Variants in LGR5 observed in about 807,000 individuals in gnomAD.
The protein encoded by LGR5 is leucine rich repeat containing G protein-coupled receptor 5, also known as leucine-rich repeat-containing G protein-coupled receptor 5.
LGR5 carries 54 observed loss-of-function variants against 76.7 expected under a neutral mutation model. The ratio of observed to expected loss-of-function variants is 0.70; its 90% CI spans 0.57 to 0.88. LGR5 has a LOEUF of 0.88. Among genes scored for constraint, LGR5 ranks in the 40% least tolerant of loss-of-function variants. The pLI, the probability that LGR5 is intolerant of heterozygous loss-of-function variation, is 0.00. For synonymous variants in LGR5, 406 were observed against 421.9 expected, an observed-to-expected ratio of 0.96 and a Z score of 0.46; for missense variants, 1,078 against 1,073.3, an observed-to-expected ratio of 1.00 and a Z score of -0.06.
intron 4 of LGR5, among the ~76,000 whole-genome samples, chr12:71,545,927 A>C (rs1397697109): frequency 6.6e-6 from 1 of 152,236 alleles, no homozygotes; most frequent in African/African-American, 2.4e-5. Flanking sequence ...TGTAAAAGAG[A>C]AAATTTGCAT....
At chr12:71,473,681 A>G (rs1873197379) in intron 1 of LGR5, among the ~76,000 whole-genome samples, 1 of 151,768 alleles carries the variant, frequency 6.6e-6, no homozygotes, top group African/African-American at 2.4e-5. Flanking sequence ...AAAGAGGGAT[A>G]AATTTGCAGT....
intron 1 of LGR5, among the ~76,000 whole-genome samples, chr12:71,474,312 A>G (rs1873231718): frequency 1.3e-5 from 2 of 152,236 alleles, no homozygotes; most frequent in African/African-American, 4.8e-5. Context: ...GTTTTCACTC[A>G]TTAGTTTCAA....
intron 4 of LGR5, among the ~76,000 whole-genome samples, chr12:71,550,295 C>A (rs1413625927): frequency 7.0e-6 from 1 of 143,202 alleles, no homozygotes; most frequent in Admixed American, 7.0e-5. Context: ...GGATTACAGG[C>A]ATGCACCACC....
chr12:71,572,717 C>A, intron 12 of LGR5, 133 bp from the exon 13 acceptor site: 1 of 620,738 alleles, frequency 1.6e-6, no homozygotes, highest in Non-Finnish European at 2.9e-6. Flanking sequence ...AAACAAAAAT[C>A]AGTCACTTGA....
At chr12:71,451,830 A>C (rs186053848) in intron 1 of LGR5, among the ~76,000 whole-genome samples, 1 of 152,084 alleles carries the variant, frequency 6.6e-6, no homozygotes, top group East Asian at 1.9e-4. Flanking sequence ...AGGGCTAGGG[A>C]ATTCCTGGAG....
chr12:71,481,533 T>C (rs755346018), intron 1 of LGR5, among the ~76,000 whole-genome samples: 3 of 152,214 alleles, frequency 2.0e-5, no homozygotes, highest in Admixed American at 6.5e-5. Context: ...TCTTTGTTAT[T>C]GTGAATAGTG....
At chr12:71,549,627 G>A (rs1383411434) in intron 4 of LGR5, among the ~76,000 whole-genome samples, 1 of 152,116 alleles carries the variant, frequency 6.6e-6, no homozygotes, top group East Asian at 1.9e-4. Flanking sequence ...ATCAGATAAT[G>A]CCTTTGAGTG....
chr12:71,504,829 G>A (rs1003663292), intron 2 of LGR5, 144 bp downstream of exon 2: 1 of 732,322 alleles, frequency 1.4e-6, no homozygotes, highest in Admixed American at 2.0e-5. Flanking sequence ...GAAACACTTA[G>A]TTGGGAGGGG....
At chr12:71,581,835 C>G (rs1393951301) in intron 16 of LGR5, among the ~76,000 whole-genome samples, 1 of 152,168 alleles carries the variant, frequency 6.6e-6, no homozygotes, top group African/African-American at 2.4e-5. Flanking sequence ...CAACCCTGGA[C>G]CACATATTAC....
intron 6 of LGR5, among the ~76,000 whole-genome samples, chr12:71,559,123 CA>C (rs1877926022): frequency 6.6e-6 from 1 of 152,080 alleles, no homozygotes; most frequent in African/African-American, 2.4e-5. Context: ...AAGTCAAGGA[CA>C]AAGCAGCCCT....
intron 12 of LGR5, among the ~76,000 whole-genome samples, chr12:71,572,122 C>A (rs1485480760): frequency 1.4e-5 from 2 of 147,984 alleles, no homozygotes; most frequent in Admixed American, 1.4e-4. Context: ...CTCGCTCTGT[C>A]GCCCAGGCCG....
intron 1 of LGR5, among the ~76,000 whole-genome samples, chr12:71,483,137 A>G (rs1873682773): frequency 6.6e-6 from 1 of 152,184 alleles, no homozygotes; most frequent in Non-Finnish European, 1.5e-5. Flanking sequence ...ATCCTTAAAG[A>G]AAAAAATTAA....
In LGR5 at chr12:71,440,131, G is replaced by T. The variant is rs749598507; in HGVS notation, c.51G>T (p.Gln17His). 3.4e-5 allele frequency: 54 copies of T among 1,608,854 alleles called. No homozygotes were observed. Among genetic ancestry groups the T allele is most frequent in the Non-Finnish European group, 4.5e-5 (53 of 1,179,850 alleles). ...TCCTGTCCTTGCCTGTGCTGCTGCA[G>T]CTGGCGACCGGGGGCAGCTCTCCCA... ...GVLLSLPVLL[Q>H]LATGGSSPRS... Residue 17 changes from glutamine to histidine, a missense_variant, in exon 1 of 18, where the codon CAG becomes CAT. Gln to His is a conservative substitution (Grantham distance 24). Transcript: ENST00000266674. This position sits in a 1 kb window ranked among gnomAD's most constrained non-coding sequence, Gnocchi z 5.3.
At chr12:71,459,055 C>T (rs976589842) in intron 1 of LGR5, among the ~76,000 whole-genome samples, 1 of 151,960 alleles carries the variant, frequency 6.6e-6, no homozygotes, top group Non-Finnish European at 1.5e-5. Flanking sequence ...GAATTCTCCT[C>T]TGTGCTTTCT....
chr12:71,560,078 A>G (rs1018566431), intron 7 of LGR5, among the ~76,000 whole-genome samples: 1 of 152,316 alleles, frequency 6.6e-6, no homozygotes, highest in African/African-American at 2.4e-5. Context: ...GTGCCTAGTA[A>G]AGTATGAGAT....
chr12:71,454,222 A>C (rs1402727459), intron 1 of LGR5, among the ~76,000 whole-genome samples: 5 of 152,076 alleles, frequency 3.3e-5, no homozygotes, highest in Admixed American at 6.6e-5. Context: ...AACAAGGGAA[A>C]TCTCCTTATA....
chr12:71,484,238 G>A (rs1474137475), intron 1 of LGR5, among the ~76,000 whole-genome samples: 1 of 152,102 alleles, frequency 6.6e-6, no homozygotes, highest in Admixed American at 6.5e-5. Flanking sequence ...GGTATTCCTG[G>A]ATGCTTAAGC....
At chr12:71,498,228 G>T (rs1436804514) in intron 1 of LGR5, among the ~76,000 whole-genome samples, 1 of 152,180 alleles carries the variant, frequency 6.6e-6, no homozygotes, top group Non-Finnish European at 1.5e-5. Context: ...TGTGAAAGGT[G>T]AGCAAAACAC....
intron 5 of LGR5, among the ~76,000 whole-genome samples, 169 bp downstream of exon 5, chr12:71,553,457 T>G (rs1175082511): frequency 6.6e-6 from 1 of 152,030 alleles, no homozygotes; most frequent in Non-Finnish European, 1.5e-5. Context: ...GTAAATGACT[T>G]AAACAATACT....
Sources: allele counts gnomAD v4.1 joint callset (sites outside exome capture counted in the v4.1 genomes callset), GRCh38; gene constraint gnomAD v4.1.1; non-coding constraint Gnocchi (gnomAD v3.1); transcripts MANE v1.5; gene names NCBI Gene and HGNC (gene_info 2026-07-23, HGNC 2026-07-21).